The following SRGAP3 variants were observed in gnomAD, a reference collection of about 807,000 sequenced individuals.
SRGAP3 encodes the protein SLIT-ROBO Rho GTPase-activating protein 3.
SRGAP3 carries 39 observed loss-of-function variants against 121.1 expected under a neutral mutation model. The observed-to-expected ratio is 0.32, with a 90% CI of 0.25 to 0.42. SRGAP3 has a LOEUF of 0.42. Ranked by LOEUF, SRGAP3 falls within the 10% of genes least tolerant of loss-of-function variation. The probability of loss-of-function intolerance (pLI) is 1.00; values close to 1 mark genes in which losing one functional copy is unlikely to be tolerated. For synonymous variants in SRGAP3, 601 were observed against 570.0 expected (o/e 1.05, Z -0.77); for missense variants, 1,213 against 1,470.6 (o/e 0.82, Z 2.86).
chr3:9,165,029 G>A (rs1950733734), intron 1 of SRGAP3, among the ~76,000 whole-genome samples: 1 of 152,254 alleles, frequency 6.6e-6, no homozygotes, highest in South Asian at 2.1e-4. Flanking sequence ...CACCTGCCCT[G>A]TGGTTCCCCT....
At chr3:9,023,587 A>T (rs565997035) in intron 14 of SRGAP3, among the ~76,000 whole-genome samples, 1 of 152,138 alleles carries the variant, frequency 6.6e-6, no homozygotes, top group Non-Finnish European at 1.5e-5. Flanking sequence ...ATGCTCCCCA[A>T]TGCCTACTCT....
chr3:9,210,959 C>T (rs553224566), intron 1 of SRGAP3, among the ~76,000 whole-genome samples: 5 of 152,060 alleles, frequency 3.3e-5, no homozygotes, highest in African/African-American at 9.7e-5. Context: ...TACATTAGTA[C>T]GTACTAAAAA....
At chr3:9,152,486 C>T (rs372202937) in intron 1 of SRGAP3, among the ~76,000 whole-genome samples, 57 of 152,340 alleles carry the variant, frequency 3.7e-4, no homozygotes, top group South Asian at 2.5e-3. Context: ...CCTAAAGCCA[C>T]GCAGGCCCAG....
intron 3 of SRGAP3, among the ~76,000 whole-genome samples, chr3:9,313,339 C>T (rs1445125696): frequency 6.6e-6 from 1 of 152,162 alleles, no homozygotes; most frequent in Non-Finnish European, 1.5e-5. Context: ...AAGCCCTTTC[C>T]CTGTCAGTTC....
rs1292400238 is a variant in SRGAP3 at position 9,154,332 on chromosome 3, A to G, written c.68-29415T>C. ...TGGGGAATGAGGTAAGACGCTAAAC[A>G]ACGTAACTCAAAATAGACTGGCTTC... On this transcript the variant is annotated intron_variant, in intron 1 of 21. Transcript: ENST00000383836. Among the ~76,000 whole-genome samples the G allele has an allele frequency of 4.0e-5, 6 of 151,778 alleles. No homozygotes were observed. The East Asian group carries it at 1.2e-3, about 29-fold the overall frequency.
intron 3 of SRGAP3, among the ~76,000 whole-genome samples, chr3:9,264,743 C>T (rs571037592): frequency 7.4e-4 from 112 of 152,318 alleles, no homozygotes; most frequent in Non-Finnish European, 1.3e-3. Flanking sequence ...AATGAAAAAA[C>T]ATTCCATGCT....
At chr3:9,289,452 T>C (rs762648453) in intron 3 of SRGAP3, among the ~76,000 whole-genome samples, 2 of 152,230 alleles carry the variant, frequency 1.3e-5, no homozygotes, top group Non-Finnish European at 2.9e-5. Flanking sequence ...CAAGTTCTTC[T>C]ATGGGATATG....
chr3:9,255,344 G>A (rs994322916), intron 3 of SRGAP3, among the ~76,000 whole-genome samples: 7 of 152,160 alleles, frequency 4.6e-5, no homozygotes, highest in African/African-American at 1.7e-4. Context: ...GGAAACACGG[G>A]CTCTAACAAT....
chr3:9,047,739 G>T (rs1312933866), intron 9 of SRGAP3, among the ~76,000 whole-genome samples: 1 of 152,230 alleles, frequency 6.6e-6, no homozygotes, highest in African/African-American at 2.4e-5. Context: ...CAAACCAGGG[G>T]AGAATGGCAG....
Position 9,038,106 on chromosome 3 carries a change from TACA to T in SRGAP3, c.1409-19_1409-17del. The T allele has an allele frequency of 6.2e-7, 1 of 1,614,212 alleles. No homozygotes were observed. Among genetic ancestry groups the T allele is most frequent in the Non-Finnish European group, 8.5e-7 (1 of 1,180,022 alleles). Reference sequence around the variant, plus strand: ...GCTCTTTCCCCTGCAAAGAAAAGTATACATGAATGTTTAATTGCCTTTTCTTTT... The same window carrying T: ...GCTCTTTCCCCTGCAAAGAAAAGTATTGAATGTTTAATTGCCTTTTCTTTT... On this transcript the variant is annotated splice_polypyrimidine_tract_variant and intron_variant, in intron 10 of 21. Coordinates refer to ENST00000383836, the MANE Select transcript of SRGAP3 (RefSeq NM_014850.4).
chr3:8,996,861 C>T (rs1323662896), intron 18 of SRGAP3, among the ~76,000 whole-genome samples: 1 of 152,188 alleles, frequency 6.6e-6, no homozygotes, highest in African/African-American at 2.4e-5. Context: ...CTAAGAAAGG[C>T]GCTGACCTAA....
intron 4 of SRGAP3, among the ~76,000 whole-genome samples, chr3:9,070,434 T>C (rs1405307512): frequency 1.3e-5 from 2 of 152,152 alleles, no homozygotes; most frequent in African/African-American, 4.8e-5. Context: ...GAGGCCAGGG[T>C]CTTGTTCGTG....
intron 4 of SRGAP3, among the ~76,000 whole-genome samples, chr3:9,073,966 C>T (rs1946838975): frequency 1.3e-5 from 2 of 152,302 alleles, no homozygotes; most frequent in Admixed American, 6.5e-5. Context: ...AGGAGACATG[C>T]TTCTTCCTGG....
intron 5 of SRGAP3, among the ~76,000 whole-genome samples, chr3:9,060,744 G>A (rs1035364415): frequency 3.3e-5 from 5 of 151,010 alleles, no homozygotes; most frequent in African/African-American, 7.3e-5. Context: ...CGGCCCAGTG[G>A]TTTTTTTTTT....
At chr3:9,011,989 G>T (rs1943402616) in intron 17 of SRGAP3, among the ~76,000 whole-genome samples, 2 of 152,174 alleles carry the variant, frequency 1.3e-5, no homozygotes, top group Admixed American at 6.5e-5. Context: ...AAGAGAACTG[G>T]TAATGGTTGC....
rs766605268 is a variant in SRGAP3, at chr3:9,124,934, G to A, written c.68-17C>T. 3.1e-6 allele frequency: 5 copies of A among 1,613,598 alleles called. No individual in the cohort carries two copies. Among genetic ancestry groups the A allele is most frequent in the South Asian group, 1.1e-5 (1 of 91,048 alleles). Reference sequence around the variant, plus strand: ...TGCGGATCTCTGCGGGCACACAAGGGTAGGAGCATGAGACTGGTGGTGGGG... The same window carrying A: ...TGCGGATCTCTGCGGGCACACAAGGATAGGAGCATGAGACTGGTGGTGGGG... On this transcript the variant is annotated splice_polypyrimidine_tract_variant and intron_variant, in intron 1 of 21. Coordinates refer to ENST00000383836, the MANE Select transcript of SRGAP3 (RefSeq NM_014850.4).
At chr3:9,026,788 G>A in intron 13 of SRGAP3, 147 bp downstream of exon 13, 1 of 852,404 alleles carries the variant, frequency 1.2e-6, no homozygotes, top group Non-Finnish European at 2.0e-6. Flanking sequence ...ACTCAGAAGA[G>A]CAGCTGCTGT....
At chr3:9,047,706 G>T (rs1945359945) in intron 9 of SRGAP3, among the ~76,000 whole-genome samples, 2 of 152,236 alleles carry the variant, frequency 1.3e-5, no homozygotes, top group Non-Finnish European at 2.9e-5. Context: ...AGGCCTTTCA[G>T]GTCGGGGGTT....
intron 4 of SRGAP3, among the ~76,000 whole-genome samples, chr3:9,077,636 C>T (rs1232772256): frequency 6.6e-6 from 1 of 152,194 alleles, no homozygotes; most frequent in Non-Finnish European, 1.5e-5. Context: ...GGGGCCTCAG[C>T]CACCCTGCCT....
Sources: allele counts gnomAD v4.1 joint callset (sites outside exome capture counted in the v4.1 genomes callset), GRCh38; gene constraint gnomAD v4.1.1; transcripts MANE v1.5; gene names NCBI Gene and HGNC (gene_info 2026-07-23, HGNC 2026-07-21).